PAK5: variants seen among roughly 807,000 people sequenced by gnomAD.
The protein encoded by PAK5 is p21 (RAC1) activated kinase 5.
Under a neutral mutation model 65.9 loss-of-function variants are expected in PAK5, and 16 were observed. The ratio of observed to expected loss-of-function variants is 0.24; its 90% CI spans 0.16 to 0.37. PAK5 has a LOEUF of 0.37. Among genes scored for constraint, PAK5 ranks in the 10% least tolerant of loss-of-function variants. PAK5 has a pLI of 1.00. For synonymous variants in PAK5, 371 were observed against 354.9 expected (o/e 1.05, Z -0.51); for missense variants, 785 against 903.9 (o/e 0.87, Z 1.69).
At chr20:9,573,547 AG>A (rs1251464645) in intron 4 of PAK5, among the ~76,000 whole-genome samples, 3 of 152,366 alleles carry the variant, frequency 2.0e-5, no homozygotes, top group African/African-American at 7.2e-5. Flanking sequence ...AGTGTAATCA[AG>A]GACCTAACTG....
chr20:9,766,388 GTATATA>G (rs1171298089), intron 1 of PAK5, among the ~76,000 whole-genome samples: 10 of 47,302 alleles, frequency 2.1e-4, no homozygotes, highest in Non-Finnish European at 3.1e-4. Context: ...GAATATATAT[GTATATA>G]TATATTCAAG....
At chr20:9,811,804 T>C (rs1262853089) in intron 1 of PAK5, among the ~76,000 whole-genome samples, 3 of 152,352 alleles carry the variant, frequency 2.0e-5, no homozygotes, top group Non-Finnish European at 2.9e-5. Context: ...AAGAAGTTAC[T>C]ATGCTCCTTC....
In PAK5 at chr20:9,580,155, C is replaced by T; in HGVS notation, c.980G>A (p.Cys327Tyr). 1 of 1,605,774 alleles carries T rather than the reference C, an allele frequency of 6.2e-7. No homozygotes were observed. Among genetic ancestry groups the T allele is most frequent in the Non-Finnish European group, 8.5e-7 (1 of 1,173,330 alleles). Residue 327 changes from cysteine to tyrosine, a missense_variant, in exon 4 of 10, where the codon TGC becomes TAC. Cys to Tyr is a radical substitution (Grantham distance 194). Transcript: ENST00000353224. ...GGTAGCAAACGTTACCTTTGGAATG[C>T]ACATTGTGGGCTCGGACAAGCGAGG... Reference protein sequence around the residue: ...TYPRLSEPTMCIPKVDYDRAQ... With the variant: ...TYPRLSEPTMYIPKVDYDRAQ...
intron 3 of PAK5, among the ~76,000 whole-genome samples, chr20:9,636,480 C>T (rs6039532): frequency 6.6e-6 from 1 of 152,206 alleles, no homozygotes; most frequent in Non-Finnish European, 1.5e-5. Flanking sequence ...GAGACAGAAC[C>T]TCAGCTTTGA....
intron 3 of PAK5, among the ~76,000 whole-genome samples, chr20:9,626,634 C>T (rs1019530236): frequency 1.2e-4 from 18 of 152,282 alleles, no homozygotes; most frequent in South Asian, 2.1e-4. Context: ...AGAAGTGAGG[C>T]GGTGTCCAGC....
At chr20:9,607,448 G>A (rs1271918920) in intron 3 of PAK5, among the ~76,000 whole-genome samples, 1 of 152,210 alleles carries the variant, frequency 6.6e-6, no homozygotes, top group African/African-American at 2.4e-5. Context: ...CATTATTAGG[G>A]CAACTGGAGA....
intron 1 of PAK5, among the ~76,000 whole-genome samples, chr20:9,818,040 A>C (rs537662445): frequency 6.6e-6 from 1 of 152,354 alleles, no homozygotes; most frequent in East Asian, 1.9e-4. Flanking sequence ...TTTAAAAAGA[A>C]ACACAAAAGA....
intron 2 of PAK5, among the ~76,000 whole-genome samples, chr20:9,701,059 C>T (rs1370460265): frequency 6.6e-6 from 1 of 152,130 alleles, no homozygotes; most frequent in Non-Finnish European, 1.5e-5. Flanking sequence ...ACGTTTCCCT[C>T]TTTAAAAAGT....
chr20:9,815,667 T>C (rs1372218183), intron 1 of PAK5, among the ~76,000 whole-genome samples: 2 of 152,190 alleles, frequency 1.3e-5, no homozygotes, highest in Non-Finnish European at 2.9e-5. Flanking sequence ...CAAAAATAAG[T>C]CTTTCTAATG....
intron 2 of PAK5, among the ~76,000 whole-genome samples, chr20:9,692,231 T>G (rs2047807643): frequency 6.6e-6 from 1 of 152,204 alleles, no homozygotes; most frequent in South Asian, 2.1e-4. Flanking sequence ...AACTGTACAT[T>G]AACACCAAGA....
chr20:9,591,688 A>G (rs2123065001), intron 3 of PAK5, among the ~76,000 whole-genome samples: 1 of 144,436 alleles, frequency 6.9e-6, no homozygotes, highest in African/African-American at 2.6e-5. Flanking sequence ...AAATCAACCA[A>G]CTGATTAAAT....
chr20:9,831,492 T>C (rs1600422312), intron 1 of PAK5, among the ~76,000 whole-genome samples: 1 of 152,234 alleles, frequency 6.6e-6, no homozygotes, highest in South Asian at 2.1e-4. Context: ...TTCTGATTCA[T>C]AAAACAACAC....
At chr20:9,731,302 A>C (rs2048332474) in intron 1 of PAK5, among the ~76,000 whole-genome samples, 1 of 152,236 alleles carries the variant, frequency 6.6e-6, no homozygotes. Flanking sequence ...AGGTGAGTTT[A>C]ATTTTAATAA....
At chr20:9,662,878 A>G (rs113439730) in intron 2 of PAK5, among the ~76,000 whole-genome samples, 1,884 of 152,260 alleles carry the variant, frequency 0.012, 42 homozygotes, top group African/African-American at 0.042. Context: ...GCCTAAGGTC[A>G]CTCAGCTAGC....
At chr20:9,828,037 T>C (rs908083117) in intron 1 of PAK5, among the ~76,000 whole-genome samples, 73 of 152,124 alleles carry the variant, frequency 4.8e-4, no homozygotes, top group Non-Finnish European at 1.6e-4. Context: ...GGTTTCACCA[T>C]GTTGGCCAGG....
Position 9,696,109 on chromosome 20 carries a change from A to T in PAK5, c.-12+15177T>A, listed in dbSNP as rs529863756. On this transcript the variant is annotated intron_variant, in intron 2 of 9. Coordinates refer to ENST00000353224, the MANE Select transcript of PAK5 (RefSeq NM_177990.4). Reference sequence around the variant, plus strand: ...GTGGCCAGTGGCTACCATACTGGGTAACCCAGCCATAGACAGTTACATGAA... The same window carrying T: ...GTGGCCAGTGGCTACCATACTGGGTTACCCAGCCATAGACAGTTACATGAA... 7.5e-4 allele frequency among the ~76,000 whole-genome samples: 114 copies of T among 152,232 alleles called. 1 individual carries two copies. Among genetic ancestry groups the T allele is most frequent in the African/African-American group, 2.7e-3 (111 of 41,578 alleles).
intron 1 of PAK5, among the ~76,000 whole-genome samples, chr20:9,811,446 G>A (rs2049297338): frequency 6.6e-6 from 1 of 152,132 alleles, no homozygotes; most frequent in South Asian, 2.1e-4. Flanking sequence ...GAACAGTCCA[G>A]GACAAATTCT....
At chr20:9,575,952 G>A (rs185365637) in intron 4 of PAK5, among the ~76,000 whole-genome samples, 2 of 152,294 alleles carry the variant, frequency 1.3e-5, no homozygotes, top group East Asian at 3.9e-4. Flanking sequence ...CTCAACTGTA[G>A]AGCAGAGGTG....
intron 6 of PAK5, among the ~76,000 whole-genome samples, chr20:9,561,498 A>C (rs4053116): frequency 0.37 from 56,079 of 152,014 alleles, 14,705 homozygotes; most frequent in African/African-American, 0.75. Flanking sequence ...TATTGCTACA[A>C]CATCAAGAGT....
Sources: allele counts gnomAD v4.1 joint callset (sites outside exome capture counted in the v4.1 genomes callset), GRCh38; gene constraint gnomAD v4.1.1; transcripts MANE v1.5; gene names NCBI Gene and HGNC (gene_info 2026-07-23, HGNC 2026-07-21).